Variants in TANC2 observed in about 807,000 individuals in gnomAD.
TANC2 encodes the protein tetratricopeptide repeat, ankyrin repeat and coiled-coil containing 2.
Under a neutral mutation model 210.5 loss-of-function variants are expected in TANC2, and 26 were observed. That is an observed-to-expected ratio of 0.12 (90% CI 0.09 to 0.17). The LOEUF (loss-of-function observed/expected upper bound fraction) is 0.17. Ranked by LOEUF, TANC2 falls within the 10% of genes least tolerant of loss-of-function variation. The pLI is 1.00. For synonymous variants in TANC2, 931 were observed against 967.1 expected (o/e 0.96, Z 0.69); for missense variants, 2,129 against 2,608.9 (o/e 0.82, Z 4.01).
chr17:63,241,991 G>T (rs1313466195), intron 8 of TANC2, among the ~76,000 whole-genome samples: 1 of 152,150 alleles, frequency 6.6e-6, no homozygotes, highest in African/African-American at 2.4e-5. Flanking sequence ...CATAGACAGT[G>T]CCTAATAGTA....
At chr17:63,372,680 G>A (rs1175794006) in intron 14 of TANC2, among the ~76,000 whole-genome samples, 1 of 152,140 alleles carries the variant, frequency 6.6e-6, no homozygotes, top group Non-Finnish European at 1.5e-5. Context: ...TGTGTAAGTG[G>A]CAGAACTAGG....
intron 4 of TANC2, among the ~76,000 whole-genome samples, chr17:63,147,188 CG>C (rs1310766957): frequency 2.7e-5 from 4 of 147,128 alleles, no homozygotes; most frequent in African/African-American, 1.1e-4. Flanking sequence ...AAAGAAATAA[CG>C]AAAATTACCC....
chr17:63,104,269 G>T (rs1427362397), intron 4 of TANC2, among the ~76,000 whole-genome samples: 1 of 152,092 alleles, frequency 6.6e-6, no homozygotes, highest in Non-Finnish European at 1.5e-5. Context: ...CTCCTTCCAA[G>T]ATGCTTTCCC....
exon 28 of TANC2, chr17:63,422,026 G>A (rs2049038674): frequency 2.0e-6 from 3 of 1,508,230 alleles, no homozygotes; most frequent in Non-Finnish European, 1.8e-6. Context: ...CACATTCGAG[G>A]TAGTTCTCTG....
At chr17:63,363,990 T>G (rs926201321) in intron 14 of TANC2, among the ~76,000 whole-genome samples, 2 of 152,218 alleles carry the variant, frequency 1.3e-5, no homozygotes, top group African/African-American at 4.8e-5. Flanking sequence ...AGTTGTGTGA[T>G]TTCCAAGAAG....
intron 2 of TANC2, among the ~76,000 whole-genome samples, chr17:63,027,004 A>G (rs2034581047): frequency 6.6e-6 from 1 of 152,154 alleles, no homozygotes; most frequent in African/African-American, 2.4e-5. Context: ...TTTTGTGACT[A>G]ATTCTTTCCC....
chr17:63,011,199 A>G (rs1342721755), intron 2 of TANC2, among the ~76,000 whole-genome samples: 2 of 152,016 alleles, frequency 1.3e-5, no homozygotes, highest in Non-Finnish European at 2.9e-5. Flanking sequence ...AAATGAGCAG[A>G]GACAAATATG....
intron 2 of TANC2, among the ~76,000 whole-genome samples, chr17:63,036,304 A>G (rs2034970010): frequency 6.6e-6 from 1 of 152,060 alleles, no homozygotes; most frequent in African/African-American, 2.4e-5. Flanking sequence ...TGTGAGGTTA[A>G]GGTTGATGTG....
At chr17:63,419,502 G>A (rs2048960689) in intron 27 of TANC2, among the ~76,000 whole-genome samples, 1 of 152,230 alleles carries the variant, frequency 6.6e-6, no homozygotes, top group South Asian at 2.1e-4. Flanking sequence ...AGAGATGAGG[G>A]TTAGAAAGGG....
At chr17:63,403,183 T>G (rs2048394976) in intron 19 of TANC2, among the ~76,000 whole-genome samples, 1 of 152,216 alleles carries the variant, frequency 6.6e-6, no homozygotes, top group Non-Finnish European at 1.5e-5. Context: ...TTCAGATGTG[T>G]TCTGTGAACT....
chr17:63,241,969 A>G (rs192865048), intron 8 of TANC2, among the ~76,000 whole-genome samples: 2 of 152,310 alleles, frequency 1.3e-5, no homozygotes, highest in African/African-American at 4.8e-5. Flanking sequence ...TAGACTCATC[A>G]TCAGTGTGGT....
chr17:63,062,358 T>C (rs2036026498), intron 2 of TANC2, among the ~76,000 whole-genome samples: 1 of 152,200 alleles, frequency 6.6e-6, no homozygotes, highest in Admixed American at 6.5e-5. Context: ...GACTTTCTCT[T>C]TTCTTTGTCC....
chr17:63,420,468 T>G lies in TANC2; in HGVS notation c.4738T>G (p.Ser1580Ala). The G allele has an allele frequency of 6.2e-7, 1 of 1,613,856 alleles. No homozygotes were observed. Among genetic ancestry groups the G allele is most frequent in the Non-Finnish European group, 8.5e-7 (1 of 1,179,860 alleles). The change falls in exon 28 of 28, where the codon TCA (serine) becomes GCA (alanine). Residue 1580 changes from serine (S) to alanine (A), a missense_variant. This residue lies in a region of TANC2 where 584 missense variants were observed against 627.3 expected (regional missense o/e 0.93). Coordinates refer to ENST00000689528, the Ensembl canonical transcript of TANC2. This position sits in a 1 kb window ranked among gnomAD's most constrained non-coding sequence, Gnocchi z 4.2. The stretch of plus-strand genomic sequence containing the variant: ...TGCCCTTTCTCCAACTCATCAGAAC[T>G]CACATTACAGGCCTAGCCCACCACA...
intron 1 of TANC2, among the ~76,000 whole-genome samples, chr17:62,981,886 A>G (rs191080743): frequency 1.3e-5 from 2 of 152,296 alleles, no homozygotes. Flanking sequence ...AGAGACACAT[A>G]AGGCCGGGAG....
chr17:63,361,617 A>C (rs1442848000), intron 14 of TANC2, among the ~76,000 whole-genome samples: 1 of 152,256 alleles, frequency 6.6e-6, no homozygotes, highest in Non-Finnish European at 1.5e-5. Context: ...AGGGTGTCAC[A>C]GCCATAGCTC....
At chr17:63,211,437 A>G (rs1298707390) in intron 7 of TANC2, among the ~76,000 whole-genome samples, 1 of 151,928 alleles carries the variant, frequency 6.6e-6, no homozygotes, top group African/African-American at 2.4e-5. Context: ...TTTGTTCATA[A>G]TGATCATTCT....
intron 4 of TANC2, among the ~76,000 whole-genome samples, chr17:63,145,493 A>G (rs373643897): frequency 9.2e-5 from 14 of 152,142 alleles, no homozygotes; most frequent in African/African-American, 1.4e-4. Flanking sequence ...TTACAATTCT[A>G]TAGTTCAAAT....
intron 14 of TANC2, among the ~76,000 whole-genome samples, chr17:63,378,787 A>G (rs1373527301): frequency 6.6e-6 from 1 of 152,180 alleles, no homozygotes; most frequent in East Asian, 1.9e-4. Context: ...ACTGGTAGCC[A>G]TAGAAAGAAA....
chr17:63,400,460 TAC>T (rs1426374312), intron 19 of TANC2, among the ~76,000 whole-genome samples: 2 of 152,308 alleles, frequency 1.3e-5, no homozygotes, highest in South Asian at 4.1e-4. Context: ...AATAAATTTT[TAC>T]AGTGAATGTT....
Sources: gnomAD v4.1 joint callset for allele counts (sites outside exome capture counted in the v4.1 genomes callset) on GRCh38, gnomAD v4.1.1 for gene constraint, gnomAD v4.1.1 regional missense constraint, Gnocchi (gnomAD v3.1) non-coding constraint, MANE v1.5 for transcripts, NCBI Gene and HGNC (gene_info 2026-07-23, HGNC 2026-07-21) for gene names.